The following MYO16 variants were observed in gnomAD, a reference collection of about 807,000 sequenced individuals.
MYO16 encodes myosin XVI.
Under a neutral mutation model 205.3 loss-of-function variants are expected in MYO16, and 94 were observed. The ratio of observed to expected loss-of-function variants is 0.46; its 90% CI spans 0.39 to 0.54. The LOEUF (loss-of-function observed/expected upper bound fraction) is 0.54. Ranked by LOEUF, MYO16 falls within the 20% of genes least tolerant of loss-of-function variation. MYO16 has a pLI of 0.00. For missense variants in MYO16, 2,315 were observed against 2,387.5 expected, an observed-to-expected ratio of 0.97 and a Z score of 0.63; for synonymous variants, 988 against 954.0, an observed-to-expected ratio of 1.04 and a Z score of -0.66.
intron 28 of MYO16, among the ~76,000 whole-genome samples, chr13:109,115,551 T>G (rs1301483737): frequency 1.3e-5 from 2 of 152,308 alleles, no homozygotes; most frequent in East Asian, 3.9e-4. Flanking sequence ...GAAACATTCT[T>G]TGATGTGAGA....
intron 4 of MYO16, among the ~76,000 whole-genome samples, chr13:108,773,830 A>G (rs1328092521): frequency 2.6e-5 from 4 of 152,220 alleles, no homozygotes; most frequent in Admixed American, 6.5e-5. Context: ...TGTAAAAAAA[A>G]AAGTGGCCTT....
At chr13:108,956,274 C>T (rs1238975658) in intron 16 of MYO16, among the ~76,000 whole-genome samples, 1 of 152,130 alleles carries the variant, frequency 6.6e-6, no homozygotes, top group Non-Finnish European at 1.5e-5. Flanking sequence ...TTTCCACCTC[C>T]CCGTGCCCAG....
chr13:109,030,383 T>C (rs1886511674), intron 23 of MYO16, among the ~76,000 whole-genome samples: 1 of 152,176 alleles, frequency 6.6e-6, no homozygotes, highest in Admixed American at 6.5e-5. Flanking sequence ...TTTATTTTGC[T>C]AAAATCCAAT....
chr13:108,714,184 T>G (rs1172874825), intron 3 of MYO16, among the ~76,000 whole-genome samples: 1 of 151,988 alleles, frequency 6.6e-6, no homozygotes, highest in Non-Finnish European at 1.5e-5. Context: ...GCCGCCTGAG[T>G]AGCTGGGACT....
chr13:108,813,446 A>C, intron 7 of MYO16, among the ~76,000 whole-genome samples: 1 of 152,082 alleles, frequency 6.6e-6, no homozygotes, highest in East Asian at 1.9e-4. Context: ...AAATTAAATC[A>C]ATCATTTTTA....
At chr13:108,963,556 A>G (rs772883146) in intron 19 of MYO16, among the ~76,000 whole-genome samples, 7 of 152,014 alleles carry the variant, frequency 4.6e-5, no homozygotes, top group Non-Finnish European at 8.8e-5. Context: ...CCTTATCTCA[A>G]CTTGCCCTCC....
intron 27 of MYO16, among the ~76,000 whole-genome samples, chr13:109,096,043 T>C (rs1306820721): frequency 1.3e-5 from 2 of 152,158 alleles, no homozygotes; most frequent in Non-Finnish European, 2.9e-5. Flanking sequence ...TTGTCCTGGG[T>C]TCAATTCCAG....
chr13:108,595,406 C>T (rs539131993), upstream of MYO16, among the ~76,000 whole-genome samples: 4 of 152,128 alleles, frequency 2.6e-5, no homozygotes, highest in Non-Finnish European at 4.4e-5. Context: ...TATAAAGAGC[C>T]TGACTTACAG....
chr13:108,553,279 C>T, the MYO16 span, among the ~76,000 whole-genome samples: 5 of 152,062 alleles, frequency 3.3e-5, no homozygotes, highest in Admixed American at 6.5e-5. Context: ...GTGTGAGCCA[C>T]CGCGCCTGGC....
At chr13:108,639,922 G>A (rs993625775) in intron 1 of MYO16, among the ~76,000 whole-genome samples, 5 of 152,258 alleles carry the variant, frequency 3.3e-5, no homozygotes, top group African/African-American at 4.8e-5. Context: ...AGGTTTGTGT[G>A]TGAACAGCTA....
chr13:108,865,049 A>C (rs937649146), intron 11 of MYO16, among the ~76,000 whole-genome samples: 1 of 152,186 alleles, frequency 6.6e-6, no homozygotes, highest in Non-Finnish European at 1.5e-5. Flanking sequence ...GGTGACATTA[A>C]GGCCCTTCAC....
chr13:108,729,812 T>C (rs1014118233), intron 4 of MYO16, among the ~76,000 whole-genome samples: 4 of 149,540 alleles, frequency 2.7e-5, no homozygotes, highest in African/African-American at 5.1e-5. Context: ...AGCAGTTTCT[T>C]ATTTCTGATC....
At chr13:108,973,514 A>C (rs2139397241) in intron 20 of MYO16, among the ~76,000 whole-genome samples, 1 of 152,278 alleles carries the variant, frequency 6.6e-6, no homozygotes, top group South Asian at 2.1e-4. Context: ...CCAATGTGAG[A>C]TTTCCTAGAG....
At chr13:109,131,526 CT>C (rs896329848) in intron 31 of MYO16, among the ~76,000 whole-genome samples, 71 of 149,232 alleles carry the variant, frequency 4.8e-4, no homozygotes, top group African/African-American at 1.3e-3. Flanking sequence ...CTAGAGACAA[CT>C]TTTTTTTTTA....
chr13:108,636,580 A>G (rs1481593283), intron 1 of MYO16, among the ~76,000 whole-genome samples: 1 of 152,046 alleles, frequency 6.6e-6, no homozygotes, highest in Non-Finnish European at 1.5e-5. Context: ...GGGTTTCACC[A>G]TATTGGCCAG....
rs141702300 is a variant in MYO16, at chr13:108,959,028, G to A, written c.2037+1229G>A. 6.8e-3 allele frequency among the ~76,000 whole-genome samples: 1,038 copies of A among 152,236 alleles called. 11 individuals are homozygous for A. The highest frequency in any genetic ancestry group is 0.024 in the African/African-American group (984 of 41,536). ...CCCTGCCCACACCGTTATGGCTGAC[G>A]GGGCAGTGAGTAGGTGGGGAGGGTG... On this transcript the variant is annotated intron_variant, in intron 17 of 34. Transcript: ENST00000457511.
chr13:109,195,050 A>C (rs1208022271), intron 34 of MYO16, among the ~76,000 whole-genome samples: 2 of 152,114 alleles, frequency 1.3e-5, no homozygotes, highest in Non-Finnish European at 2.9e-5. Context: ...CAAATGCAAA[A>C]AAAAAAGGTA....
intron 9 of MYO16, among the ~76,000 whole-genome samples, chr13:108,829,578 C>T (rs1260752108): frequency 6.6e-6 from 1 of 152,148 alleles, no homozygotes; most frequent in East Asian, 1.9e-4. Flanking sequence ...GCCAGAGTTT[C>T]TGAGTCATCT....
chr13:108,680,329 CATAAG>C (rs1455033414), intron 2 of MYO16, among the ~76,000 whole-genome samples: 25 of 152,182 alleles, frequency 1.6e-4, no homozygotes, highest in African/African-American at 6.0e-4. Context: ...TGCAAATTAA[CATAAG>C]ATGTCAATTT....
Sources: allele counts gnomAD v4.1 joint callset (sites outside exome capture counted in the v4.1 genomes callset), GRCh38; gene constraint gnomAD v4.1.1; transcripts MANE v1.5; gene names NCBI Gene and HGNC (gene_info 2026-07-23, HGNC 2026-07-21).